RPTOR: variants seen among roughly 807,000 people sequenced by gnomAD.
RPTOR encodes regulatory associated protein of MTOR complex 1.
Under a neutral mutation model 169.9 loss-of-function variants are expected in RPTOR, and 21 were observed. The ratio of observed to expected loss-of-function variants is 0.12; its 90% CI spans 0.09 to 0.18. RPTOR has a LOEUF of 0.18. RPTOR is among the 10% of genes least tolerant of loss of function. The probability of loss-of-function intolerance (pLI) is 1.00; values close to 1 mark genes in which losing one functional copy is unlikely to be tolerated. For synonymous variants in RPTOR, 732 were observed against 753.2 expected (o/e 0.97, Z 0.46); for missense variants, 1,133 against 1,855.9 (o/e 0.61, Z 7.16).
At chr17:80,809,687 T>G (rs2067253626) in intron 7 of RPTOR, among the ~76,000 whole-genome samples, 1 of 152,194 alleles carries the variant, frequency 6.6e-6, no homozygotes, top group African/African-American at 2.4e-5. Flanking sequence ...CACAAGTCTT[T>G]GTCCTATCTA....
In RPTOR at chr17:80,646,215, A is replaced by T. The variant is rs1042837093; in HGVS notation, c.348+2405A>T. 5.9e-5 allele frequency among the ~76,000 whole-genome samples: 9 copies of T among 152,118 alleles called. No individual in the cohort carries two copies. Among genetic ancestry groups the T allele is most frequent in the African/African-American group, 1.9e-4 (8 of 41,436 alleles). ...TATTTGCTTTTCGAATGCCAACACCATTGCATTCATTTTTTAGTACAATAA... is the reference window on the plus strand; with the variant it reads ...TATTTGCTTTTCGAATGCCAACACCTTTGCATTCATTTTTTAGTACAATAA... On this transcript the variant is annotated intron_variant, in intron 3 of 33. Coordinates refer to ENST00000306801, the MANE Select transcript of RPTOR (RefSeq NM_020761.3). The surrounding 1 kb of genome is among the most constrained non-coding windows in gnomAD (Gnocchi z 5.0).
intron 2 of RPTOR, among the ~76,000 whole-genome samples, chr17:80,631,968 C>T (rs1261726440): frequency 6.6e-6 from 1 of 152,198 alleles, no homozygotes; most frequent in African/African-American, 2.4e-5. Context: ...TCATCTAAAT[C>T]TCATCTAATC....
intron 17 of RPTOR, among the ~76,000 whole-genome samples, chr17:80,888,743 C>T (rs1433006082): frequency 6.6e-6 from 1 of 152,258 alleles, no homozygotes; most frequent in African/African-American, 2.4e-5. Flanking sequence ...AGGCACGTGC[C>T]ACGTGCCGGG....
rs544579026 is a variant in RPTOR, at chr17:80,964,596, G to A, written c.*266G>A. ...CCAGGTGCACCCCCGCGGCCACGGC[G>A]CCTCTGTCCCTCTCCTGTTCTGTGT... On this transcript the variant is annotated 3_prime_UTR_variant, in exon 34 of 34. Transcript: ENST00000306801. 32 of 546,026 alleles carry A rather than the reference G, an allele frequency of 5.9e-5. No individual in the cohort carries two copies. Among genetic ancestry groups the A allele is most frequent in the Non-Finnish European group, 8.9e-5 (27 of 302,076 alleles). 33.8% of individuals were successfully genotyped at this position (546,026 alleles called of 1,614,324 possible).
intron 1 of RPTOR, among the ~76,000 whole-genome samples, chr17:80,566,099 C>A (rs1169652687): frequency 6.6e-6 from 1 of 152,200 alleles, no homozygotes; most frequent in Non-Finnish European, 1.5e-5. Flanking sequence ...AAGCTGGTTC[C>A]ACGGCTCTCT....
chr17:80,906,368 G>A (rs1452623154), intron 20 of RPTOR, among the ~76,000 whole-genome samples: 1 of 152,188 alleles, frequency 6.6e-6, no homozygotes, highest in East Asian at 1.9e-4. Flanking sequence ...GGATCTACAC[G>A]GCTATCGCAG....
chr17:80,567,696 G>A (rs1291951839), intron 1 of RPTOR, among the ~76,000 whole-genome samples: 2 of 151,778 alleles, frequency 1.3e-5, no homozygotes, highest in African/African-American at 4.8e-5. Context: ...GAAGGCCAAG[G>A]CAGGAGAATT....
chr17:80,654,772 A>C (rs571861667), intron 3 of RPTOR, among the ~76,000 whole-genome samples: 20 of 152,340 alleles, frequency 1.3e-4, no homozygotes, highest in African/African-American at 4.3e-4. Flanking sequence ...ATCCAAGAAG[A>C]AGGCACAGAT....
In RPTOR at chr17:80,573,765, A is replaced by G. The variant is rs964622980; in HGVS notation, c.162+27974A>G. The stretch of plus-strand genomic sequence containing the variant: ...ATGCAGAGGAGCCAGCCGTGGTTTC[A>G]TGCTGGTCTTGAGTGTCATTCTAAT... On this transcript the variant is annotated intron_variant, in intron 1 of 33. Coordinates refer to ENST00000306801, the MANE Select transcript of RPTOR (RefSeq NM_020761.3). Among the ~76,000 whole-genome samples the G allele has an allele frequency of 8.5e-5, 13 of 152,244 alleles. No individual in the cohort carries two copies. In the East Asian group the frequency reaches 2.3e-3, roughly 27 times the overall value.
At chr17:80,931,314 A>G (rs2068894478) in intron 24 of RPTOR, among the ~76,000 whole-genome samples, 1 of 152,212 alleles carries the variant, frequency 6.6e-6, no homozygotes, top group African/African-American at 2.4e-5. Flanking sequence ...GGTGCCTCCA[A>G]GGAGAGCCGG....
chr17:80,822,064 C>A, intron 7 of RPTOR, 137 bp from the exon 8 acceptor site: 2 of 745,576 alleles, frequency 2.7e-6, no homozygotes, highest in South Asian at 3.0e-5. Flanking sequence ...CCCTGCCGTG[C>A]GCCAAGCTTC....
intron 6 of RPTOR, among the ~76,000 whole-genome samples, chr17:80,763,745 T>C (rs1403699657): frequency 3.3e-5 from 5 of 152,238 alleles, no homozygotes; most frequent in Non-Finnish European, 7.3e-5. Context: ...ATCAGCATCG[T>C]GTGAACTCCG....
In RPTOR at chr17:80,823,221, G is replaced by A; in HGVS notation, c.1134G>A (p.Met378Ile). 1 of 1,613,844 alleles carries A rather than the reference G, an allele frequency of 6.2e-7. No individual in the cohort carries two copies. Among genetic ancestry groups the A allele is most frequent in the Non-Finnish European group, 8.5e-7 (1 of 1,179,778 alleles). Residue 378 changes from methionine (M) to isoleucine (I), a missense_variant and splice_region_variant, in exon 9 of 34, where the codon ATG becomes ATA. Transcript: ENST00000306801. This position sits in a 1 kb window ranked among gnomAD's most constrained non-coding sequence, Gnocchi z 4.5. ...TGCCGCCCACGTACATGCACGCCAT[G>A]TGGTGAGTGTTTCAGGATCCTCCAG... ...PRLPPTYMHA[M>I]WQAWDLAVDI...
At chr17:80,903,445 C>T (rs2068501883) in intron 20 of RPTOR, among the ~76,000 whole-genome samples, 1 of 152,346 alleles carries the variant, frequency 6.6e-6, no homozygotes, top group Admixed American at 6.5e-5. Flanking sequence ...GCCCCTGCAC[C>T]CCAGGCCTGC....
chr17:80,763,262 TA>T (rs1315515072), intron 6 of RPTOR, among the ~76,000 whole-genome samples: 3 of 151,398 alleles, frequency 2.0e-5, no homozygotes, highest in East Asian at 3.9e-4. Context: ...AAAATAATAA[TA>T]ATAAAAAATA....
At chr17:80,613,451 G>A (rs925255474) in intron 1 of RPTOR, among the ~76,000 whole-genome samples, 1 of 152,224 alleles carries the variant, frequency 6.6e-6, no homozygotes, top group Non-Finnish European at 1.5e-5. Flanking sequence ...CGTTCAAAGT[G>A]AACATTCAGA....
chr17:80,924,214 G>T (rs559261253), intron 23 of RPTOR: 1 of 153,448 alleles, frequency 6.5e-6, no homozygotes, highest in East Asian at 1.9e-4. Flanking sequence ...TTTTGCCAGG[G>T]TTATGAGAGT....
intron 24 of RPTOR, among the ~76,000 whole-genome samples, chr17:80,928,885 G>A (rs1291134020): frequency 1.3e-5 from 2 of 152,196 alleles, no homozygotes; most frequent in East Asian, 3.8e-4. Flanking sequence ...GGCTGTAGGG[G>A]CATGTGAACT....
intron 7 of RPTOR, among the ~76,000 whole-genome samples, chr17:80,813,730 G>T (rs549893155): frequency 6.6e-5 from 10 of 152,218 alleles, no homozygotes; most frequent in Non-Finnish European, 1.3e-4. Flanking sequence ...CAGTAAGTAA[G>T]TGAACCAGCC....
Sources: gnomAD v4.1 joint callset for allele counts (sites outside exome capture counted in the v4.1 genomes callset) on GRCh38, gnomAD v4.1.1 for gene constraint, Gnocchi (gnomAD v3.1) non-coding constraint, MANE v1.5 for transcripts, NCBI Gene and HGNC (gene_info 2026-07-23, HGNC 2026-07-21) for gene names.